The following EML1 variants were observed in gnomAD, a reference collection of about 807,000 sequenced individuals.
EML1 encodes echinoderm microtubule-associated protein-like 1.
A neutral mutation model predicts 110.4 loss-of-function variants in EML1; 27 were observed. That is an observed-to-expected ratio of 0.24 (90% confidence interval 0.18 to 0.34). The LOEUF (loss-of-function observed/expected upper bound fraction) is 0.34, where lower values mean the gene tolerates loss of function less well. Among genes scored for constraint, EML1 ranks in the 10% least tolerant of loss-of-function variants. The pLI is 1.00. For synonymous variants in EML1, 344 were observed against 385.8 expected, an observed-to-expected ratio of 0.89 and a Z score of 1.27; for missense variants, 741 against 1,030.9, an observed-to-expected ratio of 0.72 and a Z score of 3.85.
chr14:99,832,428 T>C (rs2058472642), intron 1 of EML1, among the ~76,000 whole-genome samples: 1 of 152,198 alleles, frequency 6.6e-6, no homozygotes, highest in African/African-American at 2.4e-5. Context: ...GACTCAATAG[T>C]GGGTGTGTGT....
chr14:99,836,506 T>C (rs1237837462), intron 1 of EML1, among the ~76,000 whole-genome samples: 2 of 152,174 alleles, frequency 1.3e-5, no homozygotes, highest in Non-Finnish European at 2.9e-5. Flanking sequence ...TTTACTTCCT[T>C]TTCTTGACTT....
intron 3 of EML1, chr14:99,874,924 T>A: frequency 6.2e-7 from 1 of 1,611,334 alleles, no homozygotes; most frequent in Non-Finnish European, 8.5e-7. Context: ...GTGCCTCTTA[T>A]ATGTAGATTA....
chr14:99,853,096 A>G (rs990160069), intron 2 of EML1, among the ~76,000 whole-genome samples: 6 of 152,194 alleles, frequency 3.9e-5, no homozygotes, highest in African/African-American at 1.4e-4. Flanking sequence ...GGTGTGCCCA[A>G]GAGTTTTGTT....
intron 1 of EML1, among the ~76,000 whole-genome samples, chr14:99,835,698 C>T (rs1013892779): frequency 2.6e-5 from 4 of 152,192 alleles, no homozygotes; most frequent in African/African-American, 9.6e-5. Flanking sequence ...ATTTTCCTTT[C>T]TGTCTAATTT....
At chr14:99,871,247 G>A (rs12897332) in intron 3 of EML1, among the ~76,000 whole-genome samples, 56 of 151,674 alleles carry the variant, frequency 3.7e-4, no homozygotes, top group Admixed American at 1.1e-3. Flanking sequence ...GTGAGCCACC[G>A]CACCTGGCAA....
intron 6 of EML1, among the ~76,000 whole-genome samples, chr14:99,896,037 A>G (rs2059666394): frequency 6.6e-6 from 1 of 152,212 alleles, no homozygotes; most frequent in Non-Finnish European, 1.5e-5. Context: ...GGAAAAAACA[A>G]CTGAAAGATA....
intron 1 of EML1, among the ~76,000 whole-genome samples, chr14:99,766,989 G>T (rs1471234266): frequency 6.6e-6 from 1 of 152,186 alleles, no homozygotes; most frequent in Non-Finnish European, 1.5e-5. Context: ...GTTTTCCAAA[G>T]GTCCTCTTGC....
At chr14:99,818,535 T>C (rs78057623) in intron 1 of EML1, among the ~76,000 whole-genome samples, 6,867 of 151,654 alleles carry the variant, frequency 0.045, 187 homozygotes, top group Non-Finnish European at 0.056. Context: ...AGGTGAGGGG[T>C]GTGGGAAGAG....
intron 12 of EML1, among the ~76,000 whole-genome samples, chr14:99,910,573 T>G (rs924855066): frequency 6.6e-6 from 1 of 152,228 alleles, no homozygotes; most frequent in African/African-American, 2.4e-5. Context: ...TGAAAGGCTC[T>G]TTAAGCCCAA....
At chr14:99,772,431 C>G (rs12884657), upstream of EML1, among the ~76,000 whole-genome samples, 39,816 of 152,100 alleles carry the variant, frequency 0.26, 5,620 homozygotes, top group Non-Finnish European at 0.32. Context: ...GTCCAGACAA[C>G]AGACTTTCTA....
intron 2 of EML1, among the ~76,000 whole-genome samples, chr14:99,858,708 A>C (rs548677015): frequency 2.0e-5 from 3 of 152,170 alleles, no homozygotes; most frequent in Non-Finnish European, 4.4e-5. Flanking sequence ...GATGATGGTG[A>C]TGGTGATGAT....
chr14:99,920,857 CTG>C lies in EML1; in HGVS notation c.1891_1892del (p.Val631AsnfsTer16). ...CACACAGATGGAAACGAACAGCTCT[CTG>C]TAATGCGATACTCACCAGGTTAGAC... On this transcript the variant is annotated frameshift_variant, in exon 17 of 22. Coordinates refer to ENST00000262233, the MANE Select transcript of EML1 (RefSeq NM_004434.3). LOFTEE classifies it high-confidence loss of function. 6.2e-7 allele frequency: 1 copy of C among 1,613,766 alleles called. No homozygotes were observed. The highest frequency in any genetic ancestry group is 8.5e-7 in the Non-Finnish European group (1 of 1,179,922).
upstream of EML1, among the ~76,000 whole-genome samples, chr14:99,791,211 C>T (rs1248624092): frequency 6.6e-6 from 1 of 152,174 alleles, no homozygotes; most frequent in Non-Finnish European, 1.5e-5. Flanking sequence ...CCTTTGATAT[C>T]CAGCAACCTA....
At chr14:99,908,945 T>G (rs909284141) in intron 10 of EML1, among the ~76,000 whole-genome samples, 1 of 152,168 alleles carries the variant, frequency 6.6e-6, no homozygotes, top group African/African-American at 2.4e-5. Flanking sequence ...GTGATTCCAT[T>G]TGTTCGGCCA....
At chr14:99,869,578 A>G (rs1325815228) in intron 3 of EML1, among the ~76,000 whole-genome samples, 1 of 152,248 alleles carries the variant, frequency 6.6e-6, no homozygotes, top group African/African-American at 2.4e-5. Context: ...ATCAAAAGCT[A>G]GACATGATTC....
At chr14:99,893,589 G>C (rs2059624174) in intron 5 of EML1, among the ~76,000 whole-genome samples, 1 of 152,224 alleles carries the variant, frequency 6.6e-6, no homozygotes, top group African/African-American at 2.4e-5. Flanking sequence ...ATGTGGCATT[G>C]TTTGAAAATC....
intron 1 of EML1, among the ~76,000 whole-genome samples, chr14:99,786,738 G>C (rs1398567647): frequency 6.6e-6 from 1 of 152,232 alleles, no homozygotes; most frequent in African/African-American, 2.4e-5. Flanking sequence ...TGCAGCAGGA[G>C]TGCAGACTGA....
chr14:99,737,901 G>A, intron 1 of EML1: 1 of 1,285,860 alleles, frequency 7.8e-7, no homozygotes, highest in Non-Finnish European at 1.0e-6. Context: ...GGCTCCGGTT[G>A]CAGAGCCAAG....
intron 1 of EML1, among the ~76,000 whole-genome samples, chr14:99,774,483 C>T (rs573812674): frequency 3.3e-5 from 5 of 152,122 alleles, no homozygotes; most frequent in Non-Finnish European, 7.4e-5. Context: ...TACCCTTTTT[C>T]CTTCCCTCAC....
Sources: allele counts gnomAD v4.1 joint callset (sites outside exome capture counted in the v4.1 genomes callset), GRCh38; gene constraint gnomAD v4.1.1; transcripts MANE v1.5; gene names NCBI Gene and HGNC (gene_info 2026-07-23, HGNC 2026-07-21).